SLC30A9: variants seen among roughly 807,000 people sequenced by gnomAD.
SLC30A9 encodes proton-coupled zinc antiporter SLC30A9, mitochondrial.
In SLC30A9, 58 loss-of-function variants were observed where a neutral mutation model predicts 87.5. The observed-to-expected ratio is 0.66, with a 90% CI of 0.54 to 0.82. SLC30A9 has a LOEUF of 0.82. SLC30A9 is among the 40% of genes least tolerant of loss of function. The probability of loss-of-function intolerance (pLI) is 0.00; values close to 1 mark genes in which losing one functional copy is unlikely to be tolerated. For missense variants in SLC30A9, 557 were observed against 679.1 expected (o/e 0.82, Z 2.00); for synonymous variants, 234 against 233.0 (o/e 1.00, Z -0.04).
intron 6 of SLC30A9, chr4:42,029,341 T>C: frequency 1.8e-6 from 1 of 556,208 alleles, no homozygotes; most frequent in South Asian, 1.5e-5. Context: ...ATTTTATGGC[T>C]GCCTGACTGG....
intron 6 of SLC30A9, chr4:42,029,422 A>T: frequency 1.7e-6 from 1 of 575,322 alleles, no homozygotes; most frequent in East Asian, 3.7e-5. Context: ...TCAGAACCAC[A>T]TATCAGGACC....
At chr4:42,044,826 C>A (rs1342747791) in intron 8 of SLC30A9, among the ~76,000 whole-genome samples, 1 of 152,142 alleles carries the variant, frequency 6.6e-6, no homozygotes, top group Non-Finnish European at 1.5e-5. Flanking sequence ...TAAAACACTC[C>A]TCAGCAAATG....
intron 8 of SLC30A9, among the ~76,000 whole-genome samples, chr4:42,046,314 A>C (rs1357174482): frequency 1.3e-5 from 2 of 152,244 alleles, no homozygotes; most frequent in Non-Finnish European, 2.9e-5. Context: ...TGCAGATGAC[A>C]TGATTGTATA....
At chr4:42,001,406 A>C (rs1209496545) in intron 1 of SLC30A9, among the ~76,000 whole-genome samples, 1 of 152,054 alleles carries the variant, frequency 6.6e-6, no homozygotes. Context: ...AATAGCATAA[A>C]TATTTTATTT....
At chr4:41,997,458 C>T (rs1714769803) in intron 1 of SLC30A9, among the ~76,000 whole-genome samples, 1 of 151,506 alleles carries the variant, frequency 6.6e-6, no homozygotes, top group Non-Finnish European at 1.5e-5. Context: ...TTATTATGGG[C>T]ATTTTTTTTA....
chr4:41,990,532 G>A lies in SLC30A9; in HGVS notation c.-120G>A, dbSNP rs773136673. ...ACGTTGCCGTTTCCGGGTCACCCAG[G>A]CAGCTTGTGGCGGCGAAGCCATCGG... On this transcript the variant is annotated 5_prime_UTR_variant, in exon 1 of 18. Transcript: ENST00000264451. 1.7e-5 allele frequency: 10 copies of A among 585,060 alleles called. No homozygotes were observed. The highest frequency in any genetic ancestry group is 1.7e-4 in the Admixed American group (5 of 29,448). 36.2% of individuals were successfully genotyped at this position (585,060 alleles called of 1,614,324 possible). A position where few individuals can be genotyped will look rare whatever the true frequency, so the allele number is the denominator to read the frequency against.
chr4:42,068,435 GT>G (rs1718173138), intron 14 of SLC30A9, among the ~76,000 whole-genome samples: 1 of 151,510 alleles, frequency 6.6e-6, no homozygotes, highest in African/African-American at 2.4e-5. Flanking sequence ...TAGAGACGGG[GT>G]TTCTCCATAT....
At chr4:42,052,813 C>G (rs1027930838) in intron 9 of SLC30A9, among the ~76,000 whole-genome samples, 4 of 152,108 alleles carry the variant, frequency 2.6e-5, no homozygotes, top group African/African-American at 9.7e-5. Context: ...TCTTTTAGAC[C>G]TGGTAGGCAA....
chr4:42,081,159 A>T (rs1300818925), intron 17 of SLC30A9, among the ~76,000 whole-genome samples: 2 of 152,252 alleles, frequency 1.3e-5, no homozygotes, highest in Admixed American at 6.5e-5. Flanking sequence ...AAAGCAGTTT[A>T]TTCAGCTCAC....
intron 9 of SLC30A9, 104 bp from the exon 10 acceptor site, chr4:42,060,087 G>A (rs1293912454): frequency 1.2e-6 from 1 of 824,324 alleles, no homozygotes; most frequent in East Asian, 2.5e-5. Context: ...CATATGTTGA[G>A]TGTTTCTTTG....
intron 8 of SLC30A9, among the ~76,000 whole-genome samples, chr4:42,048,248 G>C (rs1301804660): frequency 6.6e-6 from 1 of 151,936 alleles, no homozygotes; most frequent in Non-Finnish European, 1.5e-5. Flanking sequence ...AATAAACATT[G>C]TTTAAAAAAA....
At chr4:42,074,711 C>T (rs1262269164) in intron 15 of SLC30A9, among the ~76,000 whole-genome samples, 2 of 151,982 alleles carry the variant, frequency 1.3e-5, no homozygotes, top group African/African-American at 4.8e-5. Flanking sequence ...CTTATGAAAG[C>T]CATCCATTAA....
intron 9 of SLC30A9, among the ~76,000 whole-genome samples, chr4:42,054,032 A>G (rs1717499329): frequency 6.6e-6 from 1 of 152,196 alleles, no homozygotes; most frequent in Non-Finnish European, 1.5e-5. Context: ...ATATGTTTCA[A>G]GGGTATGTGT....
At chr4:42,078,841 A>T (rs1030071564) in intron 17 of SLC30A9, 3 of 152,324 alleles carry the variant, frequency 2.0e-5, no homozygotes, top group Non-Finnish European at 2.9e-5. Context: ...CAGTGTTCTC[A>T]AATTGCCATT....
rs76587701 is a variant in SLC30A9 at position 42,053,582 on chromosome 4, G to C, written c.840+4103G>C. Among the ~76,000 whole-genome samples the C allele has an allele frequency of 6.3e-3, 961 of 151,344 alleles. 15 individuals are homozygous for C. The highest frequency in any genetic ancestry group is 0.022 in the African/African-American group (924 of 41,128). On this transcript the variant is annotated intron_variant, in intron 9 of 17. Transcript: ENST00000264451. ...TGGGCCCATGTAATCCCAGCTACTCGGGAGGCTAAGGCAGGAGAATCGCTT... is the reference window on the plus strand; with the variant it reads ...TGGGCCCATGTAATCCCAGCTACTCCGGAGGCTAAGGCAGGAGAATCGCTT...
chr4:42,022,244 C>CTTTTTTT lies in SLC30A9; in HGVS notation c.435-586_435-580dup, dbSNP rs113214269. On this transcript the variant is annotated intron_variant, in intron 4 of 17. Coordinates refer to ENST00000264451, the MANE Select transcript of SLC30A9 (RefSeq NM_006345.4). ...GCTACCGCACCTTGCTTATTTTTCA[C>CTTTTTTT]TTTTTTTTTTTTTTGCTTTATCTCC... Among the ~76,000 whole-genome samples, 18 of 128,558 alleles carry CTTTTTTT rather than the reference C, an allele frequency of 1.4e-4. 1 individual carries two copies. Among genetic ancestry groups the CTTTTTTT allele is most frequent in the South Asian group, 1.3e-3 (5 of 3,936 alleles). The allele number at this position is 128,558 out of a possible 152,430, so 84.3% of individuals were successfully genotyped here.
intron 6 of SLC30A9, among the ~76,000 whole-genome samples, chr4:42,033,584 CT>C (rs1157218576): frequency 6.6e-6 from 1 of 151,724 alleles, no homozygotes; most frequent in South Asian, 2.1e-4. Context: ...TCTGGTCTTG[CT>C]TTTTTTTTGA....
At position 42,033,768 on chromosome 4, in the gene SLC30A9, G is replaced by A. The variant is rs932611051; in HGVS notation, c.611-1507G>A. Among the ~76,000 whole-genome samples, 4 of 152,126 alleles carry A rather than the reference G, an allele frequency of 2.6e-5. No homozygotes were observed. The South Asian group carries it at 8.3e-4, about 32-fold the overall frequency. ...TTTTTTGTATTTTTAGTAGAGACGG[G>A]GTTTCACCATGTTAGCCAGGATGGT... On this transcript the variant is annotated intron_variant, in intron 6 of 17. Coordinates refer to ENST00000264451, the MANE Select transcript of SLC30A9 (RefSeq NM_006345.4).
intron 6 of SLC30A9, among the ~76,000 whole-genome samples, chr4:42,025,684 G>A (rs925061852): frequency 5.3e-5 from 8 of 151,928 alleles, no homozygotes; most frequent in Non-Finnish European, 1.2e-4. Flanking sequence ...TTTATTTTTC[G>A]AGACAGAGTC....
Sources: gnomAD v4.1 joint callset for allele counts (sites outside exome capture counted in the v4.1 genomes callset) on GRCh38, gnomAD v4.1.1 for gene constraint, MANE v1.5 for transcripts, NCBI Gene and HGNC (gene_info 2026-07-23, HGNC 2026-07-21) for gene names.